The following CLIC5 variants were observed in gnomAD, a reference collection of about 807,000 sequenced individuals.
The protein encoded by CLIC5 is chloride intracellular channel protein 5.
A neutral mutation model predicts 24.7 loss-of-function variants in CLIC5; 20 were observed. That is an observed-to-expected ratio of 0.81 (90% CI 0.57 to 1.18). The LOEUF is 1.18. CLIC5 is among the 50% of genes most tolerant of loss of function. The pLI is 0.00. For missense variants in CLIC5, 341 were observed against 326.1 expected (o/e 1.05, Z -0.35); for synonymous variants, 159 against 135.6 (o/e 1.17, Z -1.20).
chr6:45,913,896 C>T (rs1023663599), intron 5 of CLIC5: 1 of 919,228 alleles, frequency 1.1e-6, no homozygotes, highest in East Asian at 3.3e-5. Flanking sequence ...GAGGAAGAGG[C>T]CTTTGGAGTG....
intron 1 of CLIC5, among the ~76,000 whole-genome samples, chr6:46,002,890 C>T (rs143449309): frequency 4.0e-3 from 614 of 152,314 alleles, no homozygotes; most frequent in Non-Finnish European, 6.4e-3. Flanking sequence ...AAAGGCAAAA[C>T]CTTGGTCATC....
intron 1 of CLIC5, among the ~76,000 whole-genome samples, chr6:45,984,037 C>A (rs1001671364): frequency 6.6e-6 from 1 of 152,144 alleles, no homozygotes; most frequent in African/African-American, 2.4e-5. Flanking sequence ...AAGAAAACAT[C>A]ATCACAGAGA....
chr6:45,964,388 T>A (rs1764951339), intron 1 of CLIC5, among the ~76,000 whole-genome samples: 1 of 152,192 alleles, frequency 6.6e-6, no homozygotes, highest in Non-Finnish European at 1.5e-5. Context: ...GGAGTCCACA[T>A]TTCCCTTCTT....
In CLIC5 at chr6:45,949,385, T is replaced by TAG; in HGVS notation, c.174-6_174-5dup. The TAG allele has an allele frequency of 6.2e-7, 1 of 1,612,148 alleles. No homozygotes were observed. The stretch of plus-strand genomic sequence containing the variant: ...GTTGTGCAGGTCAGCTGGCTTTCTG[T>TAG]AGAGAGAGCAAGATTCAGGTGTTGG... On this transcript the variant is annotated splice_region_variant and splice_polypyrimidine_tract_variant and intron_variant, in intron 2 of 5. Coordinates refer to ENST00000339561, the MANE Select transcript of CLIC5 (RefSeq NM_016929.5).
chr6:45,988,093 A>G (rs552286751), intron 1 of CLIC5, among the ~76,000 whole-genome samples: 1 of 152,290 alleles, frequency 6.6e-6, no homozygotes, highest in South Asian at 2.1e-4. Context: ...CTGAGGTGTG[A>G]CTCAACCTGA....
chr6:45,891,831 ATG>A (rs929347057), intron 6 of CLIC5, among the ~76,000 whole-genome samples: 3 of 152,132 alleles, frequency 2.0e-5, no homozygotes, highest in African/African-American at 7.2e-5. Flanking sequence ...TTTACTGTGT[ATG>A]TGTTTTCCTT....
intron 1 of CLIC5, among the ~76,000 whole-genome samples, chr6:46,076,475 A>G (rs1762773331): frequency 1.3e-5 from 2 of 152,214 alleles, no homozygotes; most frequent in South Asian, 4.1e-4. Context: ...AGTCGGAAGA[A>G]GGCAATGGGA....
chr6:46,046,447 G>A lies in CLIC5; in HGVS notation c.540+33256C>T, dbSNP rs530582390. On this transcript the variant is annotated intron_variant, in intron 1 of 5. Transcript: ENST00000185206. ...AGTGACTGTTGACTAACAGTGCAAA[G>A]AGAGTGGGAAATGGTCAAAAGTCTC... is the stretch of plus-strand genomic sequence containing the variant. 2.8e-4 allele frequency among the ~76,000 whole-genome samples: 43 copies of A among 152,324 alleles called. No homozygotes were observed. In the South Asian group the frequency reaches 8.5e-3, roughly 30 times the overall value.
chr6:46,044,330 C>A (rs547163524), intron 1 of CLIC5, among the ~76,000 whole-genome samples: 1 of 151,924 alleles, frequency 6.6e-6, no homozygotes, highest in Non-Finnish European at 1.5e-5. Context: ...GGCTCTTTTC[C>A]GAGAGTAGTA....
intron 4 of CLIC5, among the ~76,000 whole-genome samples, chr6:45,928,663 A>G (rs1482624806): frequency 6.6e-6 from 1 of 152,162 alleles, no homozygotes; most frequent in African/African-American, 2.4e-5. Flanking sequence ...ATAATTTTGC[A>G]TGTAAGCACT....
chr6:45,928,795 T>TGTGTGTGTGG (rs200432038), intron 4 of CLIC5, among the ~76,000 whole-genome samples: 5,001 of 148,450 alleles, frequency 0.034, 287 homozygotes, highest in African/African-American at 0.11. Flanking sequence ...TGTGTGTGTG[T>TGTGTGTGTGG]AGAGAGAGAG....
intron 1 of CLIC5, among the ~76,000 whole-genome samples, chr6:46,005,313 G>A (rs888362463): frequency 1.3e-5 from 2 of 152,134 alleles, no homozygotes; most frequent in Non-Finnish European, 2.9e-5. Context: ...AACAAAAGTG[G>A]AAAAGAAACC....
At chr6:45,919,107 C>T (rs1313020051) in intron 4 of CLIC5, 1 of 985,188 alleles carries the variant, frequency 1.0e-6, no homozygotes, top group African/African-American at 1.7e-5. Flanking sequence ...TAATTTCGTC[C>T]ATTTTGGATT....
the CLIC5 span, among the ~76,000 whole-genome samples, chr6:46,127,263 G>A: frequency 6.6e-6 from 1 of 152,004 alleles, no homozygotes; most frequent in African/African-American, 2.4e-5. Flanking sequence ...TAGCTATTTT[G>A]AAATATAAAA....
chr6:45,882,365 T>C (rs570008875), intron 6 of CLIC5, among the ~76,000 whole-genome samples: 217 of 152,392 alleles, frequency 1.4e-3, no homozygotes, highest in African/African-American at 4.9e-3. Context: ...GCCCTGCCTG[T>C]TGGGTTTCAG....
At chr6:46,096,600 G>T in the CLIC5 span, among the ~76,000 whole-genome samples, 1 of 152,182 alleles carries the variant, frequency 6.6e-6, no homozygotes. Flanking sequence ...GTGTCCTTAT[G>T]ACATGGCTGC....
intron 1 of CLIC5, among the ~76,000 whole-genome samples, chr6:46,031,055 A>G (rs1326570062): frequency 6.6e-6 from 1 of 152,210 alleles, no homozygotes; most frequent in African/African-American, 2.4e-5. Context: ...GCAGGCACAT[A>G]GTATATGTCT....
chr6:45,912,165 T>C, intron 5 of CLIC5: 2 of 986,456 alleles, frequency 2.0e-6, no homozygotes, highest in Non-Finnish European at 2.4e-6. Context: ...GAAGCCAAAC[T>C]GGAGGCCTGA....
At chr6:46,068,733 A>C (rs1762509207) in intron 1 of CLIC5, among the ~76,000 whole-genome samples, 1 of 152,144 alleles carries the variant, frequency 6.6e-6, no homozygotes, top group African/African-American at 2.4e-5. Flanking sequence ...TAAGAAGAGA[A>C]GATTAGGACA....
Sources: allele counts gnomAD v4.1 joint callset (sites outside exome capture counted in the v4.1 genomes callset), GRCh38; gene constraint gnomAD v4.1.1; transcripts MANE v1.5; gene names NCBI Gene and HGNC (gene_info 2026-07-23, HGNC 2026-07-21).